Variants in GPX3 observed in about 807,000 individuals in gnomAD.
GPX3 encodes the protein GPx-3.
GPX3 carries 22 observed loss-of-function variants against 25.1 expected under a neutral mutation model. The ratio of observed to expected loss-of-function variants is 0.88; its 90% confidence interval spans 0.63 to 1.25. The LOEUF (loss-of-function observed/expected upper bound fraction) is 1.25, where lower values mean the gene tolerates loss of function less well. GPX3 is among the 50% of genes most tolerant of loss of function. GPX3 has a pLI of 0.00. For missense variants in GPX3, 278 were observed against 286.6 expected (o/e 0.97, Z 0.22); for synonymous variants, 110 against 114.5 (o/e 0.96, Z 0.25).
chr5:151,024,319 G>T (rs945359612), intron 1 of GPX3, among the ~76,000 whole-genome samples: 22 of 152,174 alleles, frequency 1.4e-4, no homozygotes, highest in Non-Finnish European at 7.3e-5. Context: ...GAATTTTGTT[G>T]TCTGTGTCAC....
Position 151,028,316 on chromosome 5 carries a change from G to T in GPX3, c.*186G>T. 1 of 611,550 alleles carries T rather than the reference G, an allele frequency of 1.6e-6. No homozygotes were observed. Among genetic ancestry groups the T allele is most frequent in the Non-Finnish European group, 2.9e-6 (1 of 341,648 alleles). 37.9% of individuals were successfully genotyped at this position (611,550 alleles called of 1,614,324 possible). On this transcript the variant is annotated 3_prime_UTR_variant, in exon 5 of 5. Coordinates refer to ENST00000388825, the MANE Select transcript of GPX3 (RefSeq NM_002084.5). ...AGGCATGTGGGTGTGGGTGCATGTGGGTGTTTACACACATGCCTACAGGTA... is the reference window on the plus strand; with the variant it reads ...AGGCATGTGGGTGTGGGTGCATGTGTGTGTTTACACACATGCCTACAGGTA...
chr5:151,027,793 T>C (rs1178068513), intron 4 of GPX3, 116 bp from the exon 5 acceptor site: 1 of 890,044 alleles, frequency 1.1e-6, no homozygotes, highest in Non-Finnish European at 1.9e-6. Context: ...GGCAGTCTTC[T>C]AACTCCCAAA....
chr5:151,026,880 G>C lies in GPX3; in HGVS notation c.242-20G>C, dbSNP rs777980968. 6.4e-7 allele frequency: 1 copy of C among 1,569,290 alleles called. No homozygotes were observed. Among genetic ancestry groups the C allele is most frequent in the South Asian group, 1.1e-5 (1 of 89,668 alleles). ...TCCTCGCCAGGATACTCCCACATCT[G>C]CTCTTTCTCTTTGGCCCAGAACTGA... On this transcript the variant is annotated intron_variant, in intron 2 of 4. Coordinates refer to ENST00000388825, the MANE Select transcript of GPX3 (RefSeq NM_002084.5).
At chr5:151,027,854 G>C (rs539382760) in intron 4 of GPX3, 55 bp from the exon 5 acceptor site, 3 of 1,440,660 alleles carry the variant, frequency 2.1e-6, no homozygotes, top group South Asian at 2.3e-5. Flanking sequence ...GCCTGGGAAG[G>C]AAGAGGGTCA....
chr5:151,024,750 C>T (rs8177433), intron 1 of GPX3, among the ~76,000 whole-genome samples: 30,778 of 152,166 alleles, frequency 0.2, 3,666 homozygotes, highest in East Asian at 0.58. Flanking sequence ...AGTCCTGCTT[C>T]CCTATTTGGT....
intron 1 of GPX3, among the ~76,000 whole-genome samples, chr5:151,023,327 C>T (rs1310270380): frequency 2.0e-5 from 3 of 152,164 alleles, no homozygotes; most frequent in Non-Finnish European, 4.4e-5. Flanking sequence ...CATGAGATTT[C>T]GTTCCAAGAG....
chr5:151,021,015 A>C (rs1756467330), intron 1 of GPX3: 1 of 472,006 alleles, frequency 2.1e-6, no homozygotes, highest in Non-Finnish European at 3.8e-6. Context: ...CCGAGCTCGC[A>C]CTTTCTCCCC....
chr5:151,022,497 C>G (rs547426711), intron 1 of GPX3, among the ~76,000 whole-genome samples: 2 of 152,324 alleles, frequency 1.3e-5, no homozygotes, highest in East Asian at 3.9e-4. Flanking sequence ...GTTCAGATGT[C>G]TTAGCTCTGG....
intron 2 of GPX3, among the ~76,000 whole-genome samples, chr5:151,026,046 G>A (rs575504499): frequency 2.6e-5 from 4 of 152,280 alleles, no homozygotes; most frequent in Non-Finnish European, 4.4e-5. Context: ...GACTCAGAGC[G>A]AAGATACAAC....
Position 151,028,227 on chromosome 5 carries a change from C to A in GPX3, c.*97C>A. On this transcript the variant is annotated 3_prime_UTR_variant, in exon 5 of 5. Transcript: ENST00000388825. ...ACCACACTATCTACCCATCACAGAC[C>A]CCTTTCCTATCACTCAAGGCCCCAG... is the stretch of plus-strand genomic sequence containing the variant. 9.2e-7 allele frequency: 1 copy of A among 1,086,608 alleles called. No individual in the cohort carries two copies. Among genetic ancestry groups the A allele is most frequent in the South Asian group, 1.4e-5 (1 of 69,542 alleles). 67.3% of individuals were successfully genotyped at this position (1,086,608 alleles called of 1,614,324 possible).
chr5:151,025,188 A>T, intron 1 of GPX3, 152 bp from the exon 2 acceptor site: 1 of 518,336 alleles, frequency 1.9e-6, no homozygotes, highest in Non-Finnish European at 3.3e-6. Context: ...TTAAACAAGG[A>T]ATTAGGAGAC....
intron 2 of GPX3, among the ~76,000 whole-genome samples, chr5:151,026,221 G>A (rs1046381029): frequency 2.0e-5 from 3 of 152,188 alleles, no homozygotes; most frequent in Admixed American, 6.5e-5. Context: ...AACGCTTTGG[G>A]GCTGAGCAGT....
At position 151,027,484 on chromosome 5, in the gene GPX3, G is replaced by A. The variant is rs752647532; in HGVS notation, c.412G>A (p.Gly138Arg). The change falls in exon 4 of 5, where the codon GGG becomes AGG. Residue 138 changes from glycine to arginine, a missense_variant. By Grantham distance (125) the Gly-to-Arg change is moderately radical (BLOSUM62 -2). Coordinates refer to ENST00000388825, the MANE Select transcript of GPX3 (RefSeq NM_002084.5). Reference protein sequence around the residue: ...FVPNFQLFEKGDVNGEKEQKF... With the variant: ...FVPNFQLFEKRDVNGEKEQKF... ...CCCTAATTTCCAGCTCTTTGAGAAA[G>A]GGGATGTCAATGGAGAGAAAGAGCA... 1.9e-6 allele frequency: 3 copies of A among 1,613,874 alleles called. No individual in the cohort carries two copies. The African/African-American group carries it at 4.0e-5, about 22-fold the overall frequency.
In GPX3 at chr5:151,027,535, A is replaced by G; in HGVS notation, c.459+4A>G. ...GAAATTCTACACTTTCCTAAAGGTA[A>G]GTGAGCTGCCACCTGTGCTGGCTGG... is the stretch of plus-strand genomic sequence containing the variant. On this transcript the variant is annotated splice_donor_region_variant and intron_variant, in intron 4 of 4. Coordinates refer to ENST00000388825, the MANE Select transcript of GPX3 (RefSeq NM_002084.5). 6.3e-7 allele frequency: 1 copy of G among 1,582,478 alleles called. No homozygotes were observed. The highest frequency in any genetic ancestry group is 8.7e-7 in the Non-Finnish European group (1 of 1,151,228).
chr5:151,026,853 G>A (rs1351820087), intron 2 of GPX3, 47 bp from the exon 3 acceptor site: 3 of 1,386,530 alleles, frequency 2.2e-6, no homozygotes, highest in African/African-American at 1.4e-5. Context: ...ATGAGACAGG[G>A]CTCCTCGCCA....
At chr5:151,021,003 C>T in intron 1 of GPX3, 1 of 492,298 alleles carries the variant, frequency 2.0e-6, no homozygotes, top group South Asian at 2.3e-5. Flanking sequence ...AGGTCTCTCT[C>T]CCCGAGCTCG....
At chr5:151,026,834 G>A (rs1231452288) in intron 2 of GPX3, 66 bp from the exon 3 acceptor site, 3 of 1,132,544 alleles carry the variant, frequency 2.6e-6, no homozygotes, top group Non-Finnish European at 3.9e-6. Context: ...AGCCGGGGGA[G>A]TGGTGTGGAT....
rs201249129 is a variant in GPX3, at chr5:151,027,476, T to G, written c.404T>G (p.Phe135Cys). The change falls in exon 4 of 5, where the codon TTT (phenylalanine) becomes TGT (cysteine). Residue 135 changes from phenylalanine (F) to cysteine (C), a missense_variant. Phe to Cys is a radical substitution (Grantham distance 205). Coordinates refer to ENST00000388825, the MANE Select transcript of GPX3 (RefSeq NM_002084.5). ...GGGFVPNFQL[F>C]EKGDVNGEKE... ...GGCTTTGTCCCTAATTTCCAGCTCT[T>G]TGAGAAAGGGGATGTCAATGGAGAG... 570 of 1,613,726 alleles carry G rather than the reference T, an allele frequency of 3.5e-4. No homozygotes were observed. Among genetic ancestry groups the G allele is most frequent in the Non-Finnish European group, 4.6e-4 (539 of 1,179,710 alleles).
chr5:151,020,815 C>A, intron 1 of GPX3, 74 bp downstream of exon 1: 1 of 1,345,974 alleles, frequency 7.4e-7, no homozygotes, highest in Non-Finnish European at 1.0e-6. Context: ...GTGCAATGCA[C>A]CCCTTTTCCC....
Sources: allele counts gnomAD v4.1 joint callset (sites outside exome capture counted in the v4.1 genomes callset), GRCh38; gene constraint gnomAD v4.1.1; transcripts MANE v1.5; gene names NCBI Gene and HGNC (gene_info 2026-07-23, HGNC 2026-07-21).